Variants in LRGUK observed in about 807,000 individuals in gnomAD.
LRGUK encodes leucine rich repeats and guanylate kinase domain containing.
A neutral mutation model predicts 76.0 loss-of-function variants in LRGUK; 65 were observed. The observed-to-expected ratio is 0.85, with a 90% CI of 0.70 to 1.05. The LOEUF (loss-of-function observed/expected upper bound fraction) is 1.05, where lower values mean the gene tolerates loss of function less well. LRGUK is among the 50% of genes least tolerant of loss of function. LRGUK has a pLI of 0.00. For missense variants in LRGUK, 758 were observed against 732.8 expected (o/e 1.03, Z -0.40); for synonymous variants, 268 against 265.6 (o/e 1.01, Z -0.09).
intron 5 of LRGUK, among the ~76,000 whole-genome samples, chr7:134,152,412 G>T (rs1798259507): frequency 6.6e-6 from 1 of 151,978 alleles, no homozygotes. Flanking sequence ...TGGATAAGAA[G>T]ATGGGCAAAA....
At chr7:134,271,377 C>CTATTTTTATTTTATCCTATGTT in the LRGUK span, among the ~76,000 whole-genome samples, 37 of 151,620 alleles carry the variant, frequency 2.4e-4, no homozygotes, top group South Asian at 2.3e-3. Context: ...CTTTTTTATC[C>CTATTTTTATTTTATCCTATGTT]TATTGTAATA....
intron 14 of LRGUK, among the ~76,000 whole-genome samples, chr7:134,200,020 A>G (rs905002065): frequency 7.9e-6 from 1 of 127,008 alleles, no homozygotes; most frequent in East Asian, 2.7e-4. Context: ...ATATATATAT[A>G]TATATATATG....
chr7:134,175,757 A>G (rs1230200014), intron 8 of LRGUK, among the ~76,000 whole-genome samples: 1 of 152,158 alleles, frequency 6.6e-6, no homozygotes, highest in Non-Finnish European at 1.5e-5. Flanking sequence ...GCTAATATCT[A>G]ATGTCTTTCC....
At chr7:134,140,708 A>G (rs1419633172) in intron 3 of LRGUK, among the ~76,000 whole-genome samples, 2 of 152,036 alleles carry the variant, frequency 1.3e-5, no homozygotes, top group Non-Finnish European at 2.9e-5. Context: ...CTAGGACCCT[A>G]ATAAAGTCCA....
At chr7:134,148,421 A>C in intron 5 of LRGUK, 102 bp downstream of exon 5, 1 of 674,728 alleles carries the variant, frequency 1.5e-6, no homozygotes, top group South Asian at 1.8e-5. Context: ...AGTACCAGAT[A>C]AGCAATTTAA....
At chr7:134,201,645 CT>C in intron 15 of LRGUK, 69 bp downstream of exon 15, 1 of 1,134,306 alleles carries the variant, frequency 8.8e-7, no homozygotes, top group Non-Finnish European at 1.3e-6. Context: ...ATCTGAGTTG[CT>C]ATTTGGGTAC....
intron 12 of LRGUK, among the ~76,000 whole-genome samples, chr7:134,193,185 T>C (rs1800331708): frequency 6.6e-6 from 1 of 152,214 alleles, no homozygotes; most frequent in Admixed American, 6.5e-5. Context: ...TTGGAAATTC[T>C]TTATAATTTT....
chr7:134,221,644 T>C, intron 15 of LRGUK, 135 bp from the exon 16 acceptor site: 1 of 553,340 alleles, frequency 1.8e-6, no homozygotes, highest in Non-Finnish European at 2.8e-6. Flanking sequence ...TTTTATTTTA[T>C]TTTAAAGTTG....
At chr7:134,230,163 G>T (rs1323249433) in intron 16 of LRGUK, among the ~76,000 whole-genome samples, 6 of 151,922 alleles carry the variant, frequency 3.9e-5, no homozygotes, top group African/African-American at 1.2e-4. Context: ...AATATATAAA[G>T]AACTCCTACA....
chr7:134,268,155 C>G (rs181505118), downstream of LRGUK, among the ~76,000 whole-genome samples: 217 of 152,026 alleles, frequency 1.4e-3, 1 homozygote, highest in African/African-American at 5.0e-3. Context: ...AGTGGAAAAA[C>G]AGTAGAGGAA....
chr7:134,259,159 T>C (rs1267320128), intron 19 of LRGUK, among the ~76,000 whole-genome samples: 1 of 152,118 alleles, frequency 6.6e-6, no homozygotes, highest in African/African-American at 2.4e-5. Flanking sequence ...CTTCACCTCC[T>C]TTTTGCCCCT....
chr7:134,206,558 GTA>G (rs1050869097), intron 15 of LRGUK, among the ~76,000 whole-genome samples: 1 of 150,120 alleles, frequency 6.7e-6, no homozygotes. Flanking sequence ...ATATGTATGT[GTA>G]TATATATATG....
exon 1 of LRGUK, chr7:134,127,659 T>A: frequency 6.2e-7 from 1 of 1,612,194 alleles, no homozygotes; most frequent in Non-Finnish European, 8.5e-7. Flanking sequence ...AATGCTGAAT[T>A]TGGAGGTGTG....
Position 134,143,279 on chromosome 7 carries a change from T to TAAG in LRGUK, c.588+118_588+120dup, listed in dbSNP as rs1005251948. On this transcript the variant is annotated intron_variant, in intron 4 of 15. Transcript: ENST00000645682. ...GAATAAGATACAGAGGTAAGCAATG[T>TAAG]AAGTGTCTGAAATGAAATAAAAAAG... is the stretch of plus-strand genomic sequence containing the variant. 87 of 659,274 alleles carry TAAG rather than the reference T, an allele frequency of 1.3e-4. No homozygotes were observed. In the African/African-American group the frequency reaches 1.3e-3, roughly 10 times the overall value. The allele number at this position is 659,274 out of a possible 1,614,324, so 40.8% of individuals were successfully genotyped here.
At chr7:134,163,812 C>T (rs1332849310) in intron 7 of LRGUK, among the ~76,000 whole-genome samples, 1 of 152,148 alleles carries the variant, frequency 6.6e-6, no homozygotes, top group South Asian at 2.1e-4. Context: ...CTAAAGTATA[C>T]ATGTTCATTC....
intron 6 of LRGUK, among the ~76,000 whole-genome samples, chr7:134,162,826 CAAAAA>C (rs11445116): frequency 1.6e-5 from 1 of 61,180 alleles, no homozygotes; most frequent in East Asian, 4.8e-4. Flanking sequence ...GACTCCTTCT[CAAAAA>C]AAAAAAAAAA....
intron 18 of LRGUK, among the ~76,000 whole-genome samples, chr7:134,249,486 AT>A (rs1056047688): frequency 6.6e-5 from 10 of 152,116 alleles, no homozygotes; most frequent in African/African-American, 2.2e-4. Flanking sequence ...TTCCCGCCTC[AT>A]TTTAAGGCCA....
intron 10 of LRGUK, among the ~76,000 whole-genome samples, chr7:134,181,190 A>C (rs1416100668): frequency 6.6e-6 from 1 of 152,150 alleles, no homozygotes; most frequent in African/African-American, 2.4e-5. Context: ...TTTCCTTAGG[A>C]AGGGATATGG....
chr7:134,228,589 A>G (rs191665157), intron 16 of LRGUK, among the ~76,000 whole-genome samples: 8 of 152,338 alleles, frequency 5.3e-5, no homozygotes, highest in African/African-American at 1.7e-4. Context: ...CTGTACATCT[A>G]TAAATGGTAA....
Sources: allele counts gnomAD v4.1 joint callset (sites outside exome capture counted in the v4.1 genomes callset), GRCh38; gene constraint gnomAD v4.1.1; transcripts MANE v1.5; gene names NCBI Gene and HGNC (gene_info 2026-07-23, HGNC 2026-07-21).